AP1AR: variants seen among roughly 807,000 people sequenced by gnomAD.
AP1AR encodes AP-1 complex-associated regulatory protein.
A neutral mutation model predicts 46.3 loss-of-function variants in AP1AR; 29 were observed. The ratio of observed to expected loss-of-function variants is 0.63; its 90% CI spans 0.47 to 0.85. AP1AR has a LOEUF of 0.85. AP1AR is among the 40% of genes least tolerant of loss of function. The probability of loss-of-function intolerance (pLI) is 0.00; values close to 1 mark genes in which losing one functional copy is unlikely to be tolerated. For missense variants in AP1AR, 357 were observed against 356.3 expected, an observed-to-expected ratio of 1.00 and a Z score of -0.02; for synonymous variants, 122 against 122.9, an observed-to-expected ratio of 0.99 and a Z score of 0.05.
At position 112,268,192 on chromosome 4, in the gene AP1AR, A is replaced by G. The variant is rs1560615359; in HGVS notation, c.692A>G (p.Asp231Gly). 1 of 1,604,592 alleles carries G rather than the reference A, an allele frequency of 6.2e-7. No individual in the cohort carries two copies. The highest frequency in any genetic ancestry group is 8.5e-7 in the Non-Finnish European group (1 of 1,175,484). ...AGAGAACGTTCCAAAACAGAGGAAG[A>G]CATTCTACGGGCAGCACTTAAGTAT... The part of the protein sequence containing the change: ...PMRERSKTEE[D>G]ILRAALKYSN... Residue 231 changes from aspartate to glycine, a missense_variant, in exon 10 of 10, where the codon GAC becomes GGC. Physicochemically the swap from Asp to Gly is moderately conservative, Grantham distance 94. Coordinates refer to ENST00000274000, the MANE Select transcript of AP1AR (RefSeq NM_018569.6).
intron 1 of AP1AR, among the ~76,000 whole-genome samples, chr4:112,245,195 ATAGT>A (rs1386350859): frequency 3.3e-5 from 5 of 152,192 alleles, no homozygotes; most frequent in African/African-American, 9.6e-5. Context: ...TTTATGAATA[ATAGT>A]TAATTAATAA....
chr4:112,265,474 C>A (rs1170556075), intron 7 of AP1AR, among the ~76,000 whole-genome samples: 1 of 151,840 alleles, frequency 6.6e-6, no homozygotes, highest in East Asian at 1.9e-4. Context: ...GAATATTGTT[C>A]ATGATTCATT....
intron 1 of AP1AR, among the ~76,000 whole-genome samples, chr4:112,241,325 T>A (rs1175286851): frequency 6.6e-6 from 1 of 152,162 alleles, no homozygotes; most frequent in Non-Finnish European, 1.5e-5. Flanking sequence ...TAGATATATA[T>A]AAACAGATAT....
At chr4:112,234,743 T>C (rs959556748) in intron 1 of AP1AR, among the ~76,000 whole-genome samples, 5 of 152,052 alleles carry the variant, frequency 3.3e-5, no homozygotes, top group African/African-American at 7.2e-5. Context: ...GTGAAAAAGT[T>C]GAGGAGTAAT....
At chr4:112,232,299 T>C (rs1329446639) in intron 1 of AP1AR, 125 bp downstream of exon 1, 1 of 798,332 alleles carries the variant, frequency 1.3e-6, no homozygotes, top group Non-Finnish European at 1.7e-6. Flanking sequence ...CACTCACTGC[T>C]TAGCAGACGT....
At chr4:112,239,763 C>T (rs1266318718) in intron 1 of AP1AR, among the ~76,000 whole-genome samples, 2 of 152,258 alleles carry the variant, frequency 1.3e-5, no homozygotes, top group African/African-American at 2.4e-5. Flanking sequence ...GCTTACCACT[C>T]CATGACTTTG....
In AP1AR at chr4:112,271,957, A is replaced by G. The variant is rs1303282856; in HGVS notation, c.*3548A>G. Among the ~76,000 whole-genome samples, 2 of 152,184 alleles carry G rather than the reference A, an allele frequency of 1.3e-5. No homozygotes were observed. Among genetic ancestry groups the G allele is most frequent in the African/African-American group, 4.8e-5 (2 of 41,446 alleles). On this transcript the variant is annotated 3_prime_UTR_variant, in exon 10 of 10. Transcript: ENST00000274000. ...AACAGTCGTCAAAAGAAACAGATAC[A>G]GGAGGAATGCAGGAACCAGAGAATA...
chr4:112,246,902 T>C (rs564943000), intron 1 of AP1AR, among the ~76,000 whole-genome samples: 1 of 152,194 alleles, frequency 6.6e-6, no homozygotes, highest in African/African-American at 2.4e-5. Context: ...TTCTTCTGTT[T>C]CTTCATTTTA....
intron 1 of AP1AR, among the ~76,000 whole-genome samples, chr4:112,243,709 T>C (rs1387190705): frequency 6.6e-6 from 1 of 152,184 alleles, no homozygotes; most frequent in Non-Finnish European, 1.5e-5. Flanking sequence ...CATTTCCAAC[T>C]TCTTTTTTTT....
Position 112,271,755 on chromosome 4 carries a change from T to G in AP1AR, c.*3346T>G, listed in dbSNP as rs1412256096. On this transcript the variant is annotated 3_prime_UTR_variant, in exon 10 of 10. Transcript: ENST00000274000. ...TTCATAAGATATTTGGATGAAGATGTCAAGTAGGTGATGGGATATATGTCT... is the reference window on the plus strand; with the variant it reads ...TTCATAAGATATTTGGATGAAGATGGCAAGTAGGTGATGGGATATATGTCT... 6.6e-6 allele frequency among the ~76,000 whole-genome samples: 1 copy of G among 152,160 alleles called. No individual in the cohort carries two copies. Among genetic ancestry groups the G allele is most frequent in the Non-Finnish European group, 1.5e-5 (1 of 68,028 alleles).
chr4:112,262,539 CAT>C (rs1431300513), intron 5 of AP1AR, among the ~76,000 whole-genome samples: 14 of 152,130 alleles, frequency 9.2e-5, no homozygotes, highest in African/African-American at 1.4e-4. Context: ...ATTAAGGAGA[CAT>C]GTGCATTGAT....
chr4:112,266,745 A>G (rs1726727097), intron 9 of AP1AR, 29 bp downstream of exon 9: 1 of 1,579,038 alleles, frequency 6.3e-7, no homozygotes, highest in East Asian at 2.3e-5. Context: ...TTTTACCTGA[A>G]AAATTTAACG....
intron 1 of AP1AR, among the ~76,000 whole-genome samples, chr4:112,239,566 G>A (rs1221343285): frequency 6.6e-6 from 1 of 152,144 alleles, no homozygotes; most frequent in African/African-American, 2.4e-5. Context: ...ATCATCCCAT[G>A]TTTCCAGTCC....
rs1484819802 is a variant in AP1AR, at chr4:112,268,944, A to T, written c.*535A>T. On this transcript the variant is annotated 3_prime_UTR_variant, in exon 10 of 10. Coordinates refer to ENST00000274000, the MANE Select transcript of AP1AR (RefSeq NM_018569.6). ...CAGTTGATGTGGGTAGATGACTCTA[A>T]GAAATGCTGAAGTATCGGCATTACA... 6.6e-6 allele frequency: 1 copy of T among 151,934 alleles called. No individual in the cohort carries two copies. Among genetic ancestry groups the T allele is most frequent in the African/African-American group, 2.4e-5 (1 of 41,418 alleles). 9.4% of individuals were successfully genotyped at this position (151,934 alleles called of 1,614,324 possible). A position where few individuals can be genotyped will look rare whatever the true frequency, so the allele number is the denominator to read the frequency against.
chr4:112,271,354 G>A lies in AP1AR; in HGVS notation c.*2945G>A, dbSNP rs894399795. Among the ~76,000 whole-genome samples, 1 of 152,236 alleles carries A rather than the reference G, an allele frequency of 6.6e-6. No individual in the cohort carries two copies. Among genetic ancestry groups the A allele is most frequent in the Non-Finnish European group, 1.5e-5 (1 of 68,038 alleles). On this transcript the variant is annotated 3_prime_UTR_variant, in exon 10 of 10. Transcript: ENST00000274000. Reference sequence around the variant, plus strand: ...GTGACCTCACTCTCATTCAGGTGCAGATACCGACTATAAAAATGTTTAGCT... The same window carrying A: ...GTGACCTCACTCTCATTCAGGTGCAAATACCGACTATAAAAATGTTTAGCT...
Position 112,266,638 on chromosome 4 carries a change from G to A in AP1AR, c.565G>A (p.Asp189Asn). Reference protein sequence around the residue: ...VLTPNTESSCDLMTKTKSTSG... With the variant: ...VLTPNTESSCNLMTKTKSTSG... ...GACACCAAATACAGAAAGCAGTTGT[G>A]ATTTAATGACCAAAACTAAATCAAC... Residue 189 changes from aspartate (D) to asparagine (N), a missense_variant, in exon 9 of 10, where the codon GAT (aspartate) becomes AAT (asparagine). By Grantham distance (23) the Asp-to-Asn change is conservative. This residue lies in a region of AP1AR where 269 missense variants were observed against 223.6 expected (regional missense o/e 1.20). Coordinates refer to ENST00000274000, the MANE Select transcript of AP1AR (RefSeq NM_018569.6). The A allele has an allele frequency of 1.9e-6, 3 of 1,610,996 alleles. No homozygotes were observed. Among genetic ancestry groups the A allele is most frequent in the Non-Finnish European group, 8.5e-7 (1 of 1,177,908 alleles).
chr4:112,266,575 G>C lies in AP1AR; in HGVS notation c.515-13G>C, dbSNP rs75171772. On this transcript the variant is annotated splice_polypyrimidine_tract_variant and intron_variant, in intron 8 of 9. Transcript: ENST00000274000. ...AGATGAGAGTATTCAATTGTATTTC[G>C]TGTATATTCTAGGACTCTCATCAGA... is the stretch of plus-strand genomic sequence containing the variant. 76,476 of 1,605,274 alleles carry C rather than the reference G, an allele frequency of 0.048. 2,176 individuals carry two copies. The highest frequency in any genetic ancestry group is 0.057 in the Non-Finnish European group (66,549 of 1,175,172).
rs1726039036 is a variant in AP1AR, at chr4:112,253,244, C to T, written c.120C>T (p.His40=). Residue 40 remains histidine, a synonymous_variant, in exon 2 of 10, where the codon CAC becomes CAT. Transcript: ENST00000274000. ...KYFRTCSRGE[H]LTIEFENLVE... ...TTAGAACATGCTCAAGAGGTGAGCA[C>T]TTAACAATAGAGGTAAGTAGTCCTT... 2 of 1,610,734 alleles carry T rather than the reference C, an allele frequency of 1.2e-6. No individual in the cohort carries two copies. The highest frequency in any genetic ancestry group is 2.2e-5 in the East Asian group (1 of 44,762).
Position 112,265,875 on chromosome 4 carries a change from C to T in AP1AR, c.514+68C>T, listed in dbSNP as rs79881509. On this transcript the variant is annotated intron_variant, in intron 8 of 9. Transcript: ENST00000274000. ...AAACAGATAAGTAGAGATTCTGGCTCTGTTTCTGTAGAAGAACTTTCTGTT... is the reference window on the plus strand; with the variant it reads ...AAACAGATAAGTAGAGATTCTGGCTTTGTTTCTGTAGAAGAACTTTCTGTT... 8.5e-3 allele frequency: 8,630 copies of T among 1,010,490 alleles called. 67 individuals are homozygous for T. The highest frequency in any genetic ancestry group is 0.011 in the Non-Finnish European group (7,777 of 686,936). 62.6% of individuals were successfully genotyped at this position (1,010,490 alleles called of 1,614,324 possible). A position where few individuals can be genotyped will look rare whatever the true frequency, so the allele number is the denominator to read the frequency against.
Sources: allele counts gnomAD v4.1 joint callset (sites outside exome capture counted in the v4.1 genomes callset), GRCh38; gene constraint gnomAD v4.1.1; regional missense constraint gnomAD v4.1.1; transcripts MANE v1.5; gene names NCBI Gene and HGNC (gene_info 2026-07-23, HGNC 2026-07-21).